The following FBXO7 variants were observed in gnomAD, a reference collection of about 807,000 sequenced individuals.
The protein encoded by FBXO7 is F-box protein 7.
Under a neutral mutation model 50.2 loss-of-function variants are expected in FBXO7, and 31 were observed. The observed-to-expected ratio is 0.62, with a 90% CI of 0.46 to 0.83. The LOEUF is 0.83. Ranked by LOEUF, FBXO7 falls within the 40% of genes least tolerant of loss-of-function variation. The pLI is 0.00. For missense variants in FBXO7, 667 were observed against 646.6 expected (o/e 1.03, Z -0.34); for synonymous variants, 256 against 253.1 (o/e 1.01, Z -0.11).
intron 6 of FBXO7, chr22:32,492,579 T>C (rs998156584): frequency 4.3e-5 from 7 of 163,474 alleles, no homozygotes; most frequent in African/African-American, 1.7e-4. Flanking sequence ...AACATTGTTC[T>C]AAGCACTTAA....
rs749987502 is a variant in FBXO7, at chr22:32,484,074, T to C, written c.595T>C (p.Leu199=). ...TGACTGTTCTGATGCCAATGATGCC[T>C]TGATAGTGTTGATACATCTTCTCAT... ...SADCSDANDA[L]IVLIHLLMLE... is the part of the protein sequence containing the mutation. The change falls in exon 3 of 9, where the codon TTG becomes CTG. Residue 199 remains leucine, a synonymous_variant. Coordinates refer to ENST00000266087, the MANE Select transcript of FBXO7 (RefSeq NM_012179.4). 70 of 1,614,092 alleles carry C rather than the reference T, an allele frequency of 4.3e-5. No individual in the cohort carries two copies. Among genetic ancestry groups the C allele is most frequent in the Admixed American group, 3.5e-4 (21 of 60,004 alleles).
At chr22:32,478,851 A>T in intron 1 of FBXO7, 130 bp from the exon 2 acceptor site, 1 of 909,832 alleles carries the variant, frequency 1.1e-6, no homozygotes, top group Non-Finnish European at 1.8e-6. Context: ...TGGACAACAT[A>T]GTGAGACCTT....
chr22:32,485,845 A>G (rs1370661754), intron 4 of FBXO7, among the ~76,000 whole-genome samples: 1 of 152,128 alleles, frequency 6.6e-6, no homozygotes, highest in South Asian at 2.1e-4. Flanking sequence ...TTCAGGTACC[A>G]CTTTGTTTCA....
intron 4 of FBXO7, among the ~76,000 whole-genome samples, chr22:32,485,508 A>G (rs1268971629): frequency 6.6e-6 from 1 of 152,134 alleles, no homozygotes; most frequent in Non-Finnish European, 1.5e-5. Flanking sequence ...TCAGTATTTG[A>G]TAATAGGAGT....
intron 4 of FBXO7, 68 bp downstream of exon 4, chr22:32,485,277 T>C: frequency 6.3e-7 from 1 of 1,594,350 alleles, no homozygotes; most frequent in African/African-American, 1.3e-5. Flanking sequence ...AAATGTTTTA[T>C]AGCCACTTCA....
Position 32,498,507 on chromosome 22 carries a change from G to C in FBXO7, c.1546G>C (p.Asp516His), listed in dbSNP as rs34316445. ...PFRPSRGRPTDGRLSFM is the reference protein window; with the variant it reads ...PFRPSRGRPTHGRLSFM ...TAGACCCAGCAGGGGTCGGCCAACT[G>C]ATGGCCGGCTGTCATTCATGTGATT... is the stretch of plus-strand genomic sequence containing the variant. Residue 516 changes from aspartate (D) to histidine (H), a missense_variant, in exon 9 of 9, where the codon GAT becomes CAT. Transcript: ENST00000266087. The C allele has an allele frequency of 1.9e-3, 3,025 of 1,613,818 alleles. 8 individuals carry two copies. The highest frequency in any genetic ancestry group is 2.0e-3 in the Non-Finnish European group (2,356 of 1,180,014).
chr22:32,495,415 G>T, intron 7 of FBXO7, 78 bp from the exon 8 acceptor site: 1 of 926,194 alleles, frequency 1.1e-6, no homozygotes, highest in Non-Finnish European at 1.7e-6. Flanking sequence ...CTTTTCTTAG[G>T]AGAAAAACAA....
intron 5 of FBXO7, chr22:32,490,287 T>A (rs2057526166): frequency 6.6e-6 from 1 of 152,246 alleles, no homozygotes; most frequent in Admixed American, 6.5e-5. Context: ...GGCAGGTTAT[T>A]TGTCCAAGGC....
intron 4 of FBXO7, 103 bp downstream of exon 4, chr22:32,485,312 G>C: frequency 7.1e-7 from 1 of 1,404,136 alleles, no homozygotes; most frequent in Non-Finnish European, 1.0e-6. Flanking sequence ...TGATACAGTT[G>C]TGAGTCCTTC....
intron 1 of FBXO7, chr22:32,475,523 C>T (rs988806588): frequency 4.3e-6 from 5 of 1,158,634 alleles, no homozygotes; most frequent in Non-Finnish European, 4.8e-6. Flanking sequence ...CCTTTCTGGA[C>T]TGTGAGGGGT....
intron 8 of FBXO7, among the ~76,000 whole-genome samples, chr22:32,495,861 A>G (rs1304086805): frequency 6.6e-6 from 1 of 152,330 alleles, no homozygotes; most frequent in South Asian, 2.1e-4. Context: ...AATATATTGT[A>G]TTGTTTCATA....
At chr22:32,488,444 T>C (rs1601511958) in intron 5 of FBXO7, 1 of 153,104 alleles carries the variant, frequency 6.5e-6, no homozygotes, top group Admixed American at 6.5e-5. Flanking sequence ...TTATAGGTGG[T>C]TGGAGCAGAA....
At position 32,482,829 on chromosome 22, in the gene FBXO7, G is replaced by A. The variant is rs535678561; in HGVS notation, c.418-1068G>A. Among the ~76,000 whole-genome samples the A allele has an allele frequency of 7.6e-4, 116 of 152,316 alleles. 1 individual carries two copies. The highest frequency in any genetic ancestry group is 1.4e-3 in the Non-Finnish European group (94 of 68,028). On this transcript the variant is annotated intron_variant, in intron 2 of 8. Coordinates refer to ENST00000266087, the MANE Select transcript of FBXO7 (RefSeq NM_012179.4). ...GGGTTACAAAAATGGGTGACATGTAGTCTGGTTTTTTATAAACTTGCAGTC... is the reference window on the plus strand; with the variant it reads ...GGGTTACAAAAATGGGTGACATGTAATCTGGTTTTTTATAAACTTGCAGTC...
At chr22:32,490,939 C>T in intron 5 of FBXO7, 147 bp from the exon 6 acceptor site, 1 of 639,870 alleles carries the variant, frequency 1.6e-6, no homozygotes, top group Non-Finnish European at 2.8e-6. Context: ...TTGCACTGTA[C>T]TTCTTCCATG....
chr22:32,496,496 AAAAC>A (rs1363003552), intron 8 of FBXO7, among the ~76,000 whole-genome samples: 1 of 152,084 alleles, frequency 6.6e-6, no homozygotes, highest in Non-Finnish European at 1.5e-5. Flanking sequence ...AACAAACAAA[AAAAC>A]AACAAAAAAA....
At chr22:32,482,834 G>T (rs189623522) in intron 2 of FBXO7, among the ~76,000 whole-genome samples, 1 of 152,296 alleles carries the variant, frequency 6.6e-6, no homozygotes, top group Non-Finnish European at 1.5e-5. Flanking sequence ...ATGTAGTCTG[G>T]TTTTTTATAA....
rs904322263 is a variant in FBXO7 at position 32,475,113 on chromosome 22, C to G, written c.111C>G (p.Thr37=). Residue 37 remains threonine (T), a synonymous_variant, in exon 1 of 9, where the codon ACC becomes ACG. Coordinates refer to ENST00000266087, the MANE Select transcript of FBXO7 (RefSeq NM_012179.4). ...RSHLRQSLLC[T]WGYSSNTRFT... Reference sequence around the variant, plus strand: ...ACCTGAGGCAGTCCCTGCTGTGCACCTGGGGGTACAGGTACGCTGGGGCCG... The same window carrying G: ...ACCTGAGGCAGTCCCTGCTGTGCACGTGGGGGTACAGGTACGCTGGGGCCG... 1 of 1,533,900 alleles carries G rather than the reference C, an allele frequency of 6.5e-7. No homozygotes were observed. The highest frequency in any genetic ancestry group is 8.8e-7 in the Non-Finnish European group (1 of 1,139,204).
At chr22:32,486,638 A>AAT (rs1457982088) in intron 4 of FBXO7, among the ~76,000 whole-genome samples, 1 of 152,148 alleles carries the variant, frequency 6.6e-6, no homozygotes, top group East Asian at 1.9e-4. Context: ...CTGGCCTCTT[A>AAT]CGAAATTTCT....
At chr22:32,496,285 A>AT (rs2057573935) in intron 8 of FBXO7, among the ~76,000 whole-genome samples, 1 of 152,192 alleles carries the variant, frequency 6.6e-6, no homozygotes, top group Non-Finnish European at 1.5e-5. Context: ...GTTGGAGACC[A>AT]TCTTGGCTAA....
Sources: gnomAD v4.1 joint callset for allele counts (sites outside exome capture counted in the v4.1 genomes callset) on GRCh38, gnomAD v4.1.1 for gene constraint, MANE v1.5 for transcripts, NCBI Gene and HGNC (gene_info 2026-07-23, HGNC 2026-07-21) for gene names.